PCDHGB1: variants seen among roughly 807,000 people sequenced by gnomAD.
PCDHGB1 encodes the protein protocadherin gamma-B1.
Under a neutral mutation model 56.6 loss-of-function variants are expected in PCDHGB1, and 34 were observed. The observed-to-expected ratio is 0.60, with a 90% confidence interval of 0.46 to 0.80. The LOEUF is 0.80. Among genes scored for constraint, PCDHGB1 ranks in the 30% least tolerant of loss-of-function variants. The probability of loss-of-function intolerance (pLI) is 0.00; values close to 1 mark genes in which losing one functional copy is unlikely to be tolerated. For missense variants in PCDHGB1, 1,278 were observed against 1,204.6 expected (o/e 1.06, Z -0.90); for synonymous variants, 561 against 505.9 (o/e 1.11, Z -1.46).
At chr5:141,450,832 T>TTA (rs764784095) in intron 1 of PCDHGB1, among the ~76,000 whole-genome samples, 6,304 of 142,274 alleles carry the variant, frequency 0.044, 222 homozygotes, top group African/African-American at 0.11. Context: ...TATTATTATT[T>TTA]TTTTTTTTTT....
intron 1 of PCDHGB1, chr5:141,374,219 G>C: frequency 6.2e-7 from 1 of 1,614,020 alleles, no homozygotes; most frequent in African/African-American, 1.3e-5. Flanking sequence ...CTCCTTCGTA[G>C]GCAACATCGT....
chr5:141,487,196 G>A lies in PCDHGB1; in HGVS notation c.2410-7611G>A. On this transcript the variant is annotated intron_variant, in intron 1 of 3. Coordinates refer to ENST00000523390, the MANE Select transcript of PCDHGB1 (RefSeq NM_018922.3). This position sits in a 1 kb window ranked among gnomAD's most constrained non-coding sequence, Gnocchi z 5.0. Reference sequence around the variant, plus strand: ...GGAAGACACTCATCCAGTTGTCCCAGATCTTCGAGAATCTTCAGCTCCAAG... The same window carrying A: ...GGAAGACACTCATCCAGTTGTCCCAAATCTTCGAGAATCTTCAGCTCCAAG... The A allele has an allele frequency of 1.2e-6, 2 of 1,613,878 alleles. No homozygotes were observed. The highest frequency in any genetic ancestry group is 8.5e-7 in the Non-Finnish European group (1 of 1,179,796).
intron 2 of PCDHGB1, among the ~76,000 whole-genome samples, chr5:141,500,587 C>T (rs1418158417): frequency 6.6e-5 from 10 of 152,170 alleles, no homozygotes; most frequent in South Asian, 2.1e-4. Flanking sequence ...ACACTTTATT[C>T]ACATATTAAG....
intron 1 of PCDHGB1, chr5:141,364,245 A>G (rs1763237090): frequency 1.4e-6 from 2 of 1,460,650 alleles, no homozygotes; most frequent in Non-Finnish European, 9.1e-7. Flanking sequence ...CATTTTCGTC[A>G]GGGAATATGT....
rs1589316075 is a variant in PCDHGB1, at chr5:141,398,010, G to GAATTT, written c.2409+45341_2409+45342insAATTT. 8 of 1,407,812 alleles carry GAATTT rather than the reference G, an allele frequency of 5.7e-6. 1 individual carries two copies. The East Asian group carries it at 1.5e-4, about 27-fold the overall frequency. 87.2% of individuals were successfully genotyped at this position (1,407,812 alleles called of 1,614,324 possible). Reference sequence around the variant, plus strand: ...CCGCTTCCTCCTCGGAAAAAGAATCGTTTCCTAAACTGGAACTGGAACTAA... The same window carrying GAATTT: ...CCGCTTCCTCCTCGGAAAAAGAATCGAATTTTTTCCTAAACTGGAACTGGAACTAA... On this transcript the variant is annotated intron_variant, in intron 1 of 3. Transcript: ENST00000523390.
chr5:141,374,666 G>T (rs1770705641), intron 1 of PCDHGB1: 3 of 1,611,404 alleles, frequency 1.9e-6, no homozygotes, highest in Non-Finnish European at 2.5e-6. Flanking sequence ...CCCGGAGCTG[G>T]TGCTGGAGGG....
chr5:141,496,284 G>A (rs1052943936), intron 2 of PCDHGB1, among the ~76,000 whole-genome samples: 6 of 152,210 alleles, frequency 3.9e-5, no homozygotes, highest in Admixed American at 1.3e-4. Context: ...CAGTTGGTCT[G>A]AGCAGAGTGG....
rs368512862 is a variant in PCDHGB1 at position 141,491,734 on chromosome 5, G to T, written c.2410-3073G>T. ...CTCGGCGCCGCCCCGGGCGACCCCT[G>T]GGGGCGGCACTGGAGAAGCCGCCCG... On this transcript the variant is annotated intron_variant, in intron 1 of 3. Transcript: ENST00000523390. The surrounding 1 kb of genome is among the most constrained non-coding windows in gnomAD (Gnocchi z 6.9). 2.5e-4 allele frequency: 403 copies of T among 1,602,056 alleles called. No individual in the cohort carries two copies. Among genetic ancestry groups the T allele is most frequent in the Non-Finnish European group, 3.2e-4 (380 of 1,174,948 alleles).
intron 1 of PCDHGB1, chr5:141,430,598 T>G: frequency 1.7e-6 from 1 of 598,568 alleles, no homozygotes; most frequent in Non-Finnish European, 2.6e-6. Context: ...TGCACGCGCC[T>G]GAAGCACAAA....
At chr5:141,386,071 T>C (rs1306390506) in intron 1 of PCDHGB1, 4 of 152,214 alleles carry the variant, frequency 2.6e-5, no homozygotes, top group Non-Finnish European at 5.9e-5. Context: ...CAGTATGTTG[T>C]TTTAGTGGTA....
chr5:141,423,184 C>A (rs747938944), intron 1 of PCDHGB1: 1 of 1,613,442 alleles, frequency 6.2e-7, no homozygotes, highest in South Asian at 1.1e-5. Flanking sequence ...CCACGGCCAG[C>A]CCCCTCTCTC....
At chr5:141,456,504 T>G (rs781368588) in intron 1 of PCDHGB1, among the ~76,000 whole-genome samples, 1 of 152,148 alleles carries the variant, frequency 6.6e-6, no homozygotes, top group Non-Finnish European at 1.5e-5. Context: ...GGTTAACCAA[T>G]TCCATAAAGA....
intron 1 of PCDHGB1, chr5:141,360,351 G>T: frequency 6.2e-7 from 1 of 1,613,876 alleles, no homozygotes; most frequent in Non-Finnish European, 8.5e-7. Context: ...GCGCGGAGAA[G>T]GAATATTTCA....
intron 1 of PCDHGB1, among the ~76,000 whole-genome samples, chr5:141,481,820 C>T (rs2099545799): frequency 6.6e-6 from 1 of 150,726 alleles, no homozygotes; most frequent in Non-Finnish European, 1.5e-5. Context: ...GGCGTGGTGG[C>T]TGAGGCAGGA....
At chr5:141,364,722 C>T in intron 1 of PCDHGB1, 1 of 1,613,884 alleles carries the variant, frequency 6.2e-7, no homozygotes, top group Non-Finnish European at 8.5e-7. Context: ...GATAACTTCC[C>T]GCGTTTCCGG....
chr5:141,423,260 G>A (rs1402237346), intron 1 of PCDHGB1: 2 of 1,613,996 alleles, frequency 1.2e-6, no homozygotes, highest in South Asian at 1.1e-5. Flanking sequence ...GACCTCGGCA[G>A]CCTCGAGTCT....
chr5:141,493,052 T>G lies in PCDHGB1; in HGVS notation c.2410-1755T>G, dbSNP rs1362566525. 6.6e-6 allele frequency among the ~76,000 whole-genome samples: 1 copy of G among 152,104 alleles called. No individual in the cohort carries two copies. The highest frequency in any genetic ancestry group is 2.4e-5 in the African/African-American group (1 of 41,416). Reference sequence around the variant, plus strand: ...CTTATGTGTGAGGAAACTACAATAGTAAAAAACACAAGTTTCTCCAACTCC... The same window carrying G: ...CTTATGTGTGAGGAAACTACAATAGGAAAAAACACAAGTTTCTCCAACTCC... On this transcript the variant is annotated intron_variant, in intron 1 of 3. Coordinates refer to ENST00000523390, the MANE Select transcript of PCDHGB1 (RefSeq NM_018922.3). This position sits in a 1 kb window ranked among gnomAD's most constrained non-coding sequence, Gnocchi z 4.3.
intron 1 of PCDHGB1, chr5:141,385,892 G>A (rs544548013): frequency 1.3e-5 from 2 of 152,934 alleles, no homozygotes; most frequent in South Asian, 2.1e-4. Context: ...AGAATGAAAT[G>A]TGTGTGTATC....
In PCDHGB1 at chr5:141,372,016, C is replaced by T. The variant is rs565981965; in HGVS notation, c.2409+19347C>T. 121 of 1,613,374 alleles carry T rather than the reference C, an allele frequency of 7.5e-5. 1 individual carries two copies. The South Asian group carries it at 1.3e-3, about 17-fold the overall frequency. On this transcript the variant is annotated intron_variant, in intron 1 of 3. Coordinates refer to ENST00000523390, the MANE Select transcript of PCDHGB1 (RefSeq NM_018922.3). Reference sequence around the variant, plus strand: ...CAGGCCCGCGACCAGGGCTCGCCTACGCTCAGCGCCAACGTGAGCCTGCGC... The same window carrying T: ...CAGGCCCGCGACCAGGGCTCGCCTATGCTCAGCGCCAACGTGAGCCTGCGC...
Sources: gnomAD v4.1 joint callset for allele counts (sites outside exome capture counted in the v4.1 genomes callset) on GRCh38, gnomAD v4.1.1 for gene constraint, Gnocchi (gnomAD v3.1) non-coding constraint, MANE v1.5 for transcripts, NCBI Gene and HGNC (gene_info 2026-07-23, HGNC 2026-07-21) for gene names.